Variants in FANCB observed in about 807,000 individuals in gnomAD.
The protein encoded by FANCB is FA complementation group B.
A neutral mutation model predicts 38.9 loss-of-function variants in FANCB; 5 were observed. The observed-to-expected ratio is 0.13, with a 90% CI of 0.07 to 0.27. FANCB has a LOEUF of 0.27. Ranked by LOEUF, FANCB falls within the 10% of genes least tolerant of loss-of-function variation. The pLI is 1.00. For synonymous variants in FANCB, 236 were observed against 215.4 expected, an observed-to-expected ratio of 1.10 and a Z score of -0.84; for missense variants, 573 against 602.7, an observed-to-expected ratio of 0.95 and a Z score of 0.52.
At chrX:14,699,728 C>T in the FANCB span, among the ~76,000 whole-genome samples, 253 of 111,661 alleles carry the variant, frequency 2.3e-3, no homozygotes, top group Non-Finnish European at 3.4e-3. Context: ...TCTCCCTCCC[C>T]CTCATTTTCT....
chrX:14,725,676 A>G, the FANCB span, among the ~76,000 whole-genome samples: 1 of 112,411 alleles, frequency 8.9e-6, no homozygotes, highest in Non-Finnish European at 1.9e-5. Flanking sequence ...ATGACAAACA[A>G]TTCACTACAA....
At chrX:14,804,266 A>C in the FANCB span, among the ~76,000 whole-genome samples, 3 of 112,343 alleles carry the variant, frequency 2.7e-5, no homozygotes, top group Admixed American at 2.8e-4. Flanking sequence ...TGGATTAAGA[A>C]AATGTGGCAC....
At chrX:14,767,781 T>C in the FANCB span, among the ~76,000 whole-genome samples, 3 of 112,544 alleles carry the variant, frequency 2.7e-5, no homozygotes, top group African/African-American at 9.7e-5. Context: ...CTGAATGGTA[T>C]TGCCTAGATT....
intron 1 of FANCB, among the ~76,000 whole-genome samples, chrX:14,870,434 G>C (rs2092490450): frequency 9.1e-6 from 1 of 110,100 alleles, no homozygotes; most frequent in Admixed American, 9.7e-5. Context: ...AACTAGGGGT[G>C]GCGGTGCGGG....
the FANCB span, among the ~76,000 whole-genome samples, chrX:14,694,856 G>C: frequency 1.8e-5 from 2 of 111,947 alleles, no homozygotes; most frequent in East Asian, 5.6e-4. Context: ...GAAGAGATGA[G>C]AAGATGAATT....
the FANCB span, among the ~76,000 whole-genome samples, chrX:14,751,547 A>G: frequency 3.2e-3 from 355 of 111,905 alleles, 1 homozygote; most frequent in African/African-American, 0.01. Flanking sequence ...CTTTTTGGAT[A>G]GGGGTGTTAA....
Position 14,845,059 on chromosome X carries a change from A to G in FANCB, c.1724T>C (p.Val575Ala). The G allele has an allele frequency of 8.3e-7, 1 of 1,208,867 alleles. No individual in the cohort carries two copies. The highest frequency in any genetic ancestry group is 3.0e-5 in the East Asian group (1 of 33,830). ...VCEHPSKKECVQIITAVTSLS... is the reference protein window; with the variant it reads ...VCEHPSKKECAQIITAVTSLS... ...AGATGTTACAGCAGTAATTATCTGT[A>G]CACACTCTTTCTTAGATGGGTGTTC... Residue 575 changes from valine to alanine, a missense_variant, in exon 8 of 10, where the codon GTA (valine) becomes GCA (alanine). Physicochemically the swap from Val to Ala is moderately conservative, Grantham distance 64 (BLOSUM62 0). Transcript: ENST00000650831.
chrX:14,840,742 TTTAAG>T (rs2147381786), downstream of FANCB, among the ~76,000 whole-genome samples: 1 of 111,776 alleles, frequency 8.9e-6, no homozygotes, highest in South Asian at 3.7e-4. Context: ...AAATGAATAA[TTTAAG>T]TTAAGGATGC....
chrX:14,735,475 T>C, the FANCB span, among the ~76,000 whole-genome samples: 4 of 112,189 alleles, frequency 3.6e-5, no homozygotes, highest in African/African-American at 1.3e-4. Flanking sequence ...TAGTCGTCCT[T>C]CTAACAGTCA....
At chrX:14,801,830 A>G in the FANCB span, among the ~76,000 whole-genome samples, 137 of 110,982 alleles carry the variant, frequency 1.2e-3, no homozygotes, top group Middle Eastern at 4.6e-3. Context: ...CCATGTCCTC[A>G]GGCCATGAGG....
chrX:14,828,035 C>T, the FANCB span, among the ~76,000 whole-genome samples: 1 of 112,417 alleles, frequency 8.9e-6, no homozygotes, highest in East Asian at 2.8e-4. Flanking sequence ...TTAAATTATA[C>T]TTTAGTCTAC....
chrX:14,807,132 T>C, the FANCB span, among the ~76,000 whole-genome samples: 2 of 112,271 alleles, frequency 1.8e-5, no homozygotes, highest in Non-Finnish European at 3.8e-5. Flanking sequence ...ATAGAATTTA[T>C]ATAATAGGCA....
At chrX:14,708,008 CCTT>C in the FANCB span, among the ~76,000 whole-genome samples, 6 of 109,972 alleles carry the variant, frequency 5.5e-5, no homozygotes, top group Non-Finnish European at 7.6e-5. Context: ...TTCCCTCCCT[CCTT>C]CTTTCTTTCA....
At chrX:14,744,507 C>A in the FANCB span, among the ~76,000 whole-genome samples, 2 of 112,022 alleles carry the variant, frequency 1.8e-5, no homozygotes, top group Non-Finnish European at 3.8e-5. Flanking sequence ...TCAACCCTTT[C>A]TCTGTGTGTA....
the FANCB span, among the ~76,000 whole-genome samples, chrX:14,780,787 G>A: frequency 9.3e-6 from 1 of 108,095 alleles, no homozygotes; most frequent in Non-Finnish European, 1.9e-5. Flanking sequence ...ATTCTCATGT[G>A]TCACAAAATA....
chrX:14,845,012 T>A lies in FANCB; in HGVS notation c.1771A>T (p.Ser591Cys). 1 of 1,210,370 alleles carries A rather than the reference T, an allele frequency of 8.3e-7. No individual in the cohort carries two copies. Among genetic ancestry groups the A allele is most frequent in the Middle Eastern group, 2.3e-4 (1 of 4,350 alleles). The change falls in exon 8 of 10, where the codon AGT (serine) becomes TGT (cysteine). Residue 591 changes from serine (S) to cysteine (C), a missense_variant. Transcript: ENST00000650831. Reference sequence around the variant, plus strand: ...AGCAGTACAGTGCAACAAAATTTACTGAATGTTAAAAGTGGTGAAAGAGAT... The same window carrying A: ...AGCAGTACAGTGCAACAAAATTTACAGAATGTTAAAAGTGGTGAAAGAGAT... ...VTSLSPLLTF[S>C]KFCCTVLLQI...
chrX:14,744,776 T>TC, the FANCB span, among the ~76,000 whole-genome samples: 1 of 111,879 alleles, frequency 8.9e-6, no homozygotes, highest in Non-Finnish European at 1.9e-5. Context: ...ATCTTTTTTT[T>TC]CCTCTTGTGG....
intron 4 of FANCB, 94 bp downstream of exon 4, chrX:14,859,088 C>T (rs2092435500): frequency 1.9e-6 from 1 of 534,760 alleles, no homozygotes; most frequent in Non-Finnish European, 3.1e-6. Context: ...AAGTATAAAA[C>T]CACCAATATT....
intron 7 of FANCB, among the ~76,000 whole-genome samples, chrX:14,845,621 A>G (rs1254625548): frequency 9.0e-6 from 1 of 111,527 alleles, no homozygotes; most frequent in African/African-American, 3.3e-5. Context: ...GGAATGGCAA[A>G]ATAATGCCAG....
Sources: gnomAD v4.1 joint callset for allele counts (sites outside exome capture counted in the v4.1 genomes callset) on GRCh38, gnomAD v4.1.1 for gene constraint, MANE v1.5 for transcripts, NCBI Gene and HGNC (gene_info 2026-07-23, HGNC 2026-07-21) for gene names.